RASGEF1A: variants seen among roughly 807,000 people sequenced by gnomAD.
RASGEF1A encodes the protein ras-GEF domain-containing family member 1A.
A neutral mutation model predicts 56.4 loss-of-function variants in RASGEF1A; 18 were observed. The observed-to-expected ratio is 0.32, with a 90% CI of 0.22 to 0.47. RASGEF1A has a LOEUF of 0.47. RASGEF1A is among the 20% of genes least tolerant of loss of function. RASGEF1A has a pLI of 1.00. For synonymous variants in RASGEF1A, 245 were observed against 242.6 expected, an observed-to-expected ratio of 1.01 and a Z score of -0.09; for missense variants, 422 against 627.1, an observed-to-expected ratio of 0.67 and a Z score of 3.49.
Position 43,202,886 on chromosome 10 carries a change from C to T in RASGEF1A, c.321+412G>A, listed in dbSNP as rs1588928725. Among the ~76,000 whole-genome samples the T allele has an allele frequency of 1.2e-4, 18 of 150,096 alleles. No homozygotes were observed. In the South Asian group the frequency reaches 3.6e-3, roughly 30 times the overall value. ...AGCCAGGCCACGCCCCAACCCTAGC[C>T]CTGACCCCGCCCCCAGGCCCCACCA... On this transcript the variant is annotated intron_variant, in intron 3 of 12. Coordinates refer to ENST00000395810, the MANE Select transcript of RASGEF1A (RefSeq NM_145313.4).
At chr10:43,220,142 A>G (rs1037658488) in intron 1 of RASGEF1A, among the ~76,000 whole-genome samples, 1 of 152,216 alleles carries the variant, frequency 6.6e-6, no homozygotes, top group African/African-American at 2.4e-5. Context: ...GTGGTTAGAC[A>G]CTGACCAGCC....
At chr10:43,240,017 T>C (rs1419634497) in intron 1 of RASGEF1A, among the ~76,000 whole-genome samples, 5 of 152,228 alleles carry the variant, frequency 3.3e-5, no homozygotes, top group African/African-American at 4.8e-5. Flanking sequence ...TGCTCAGGGC[T>C]GTGCACATGC....
intron 1 of RASGEF1A, among the ~76,000 whole-genome samples, chr10:43,246,012 A>AATACAC (rs1265010089): frequency 6.6e-6 from 1 of 152,114 alleles, no homozygotes; most frequent in Non-Finnish European, 1.5e-5. Flanking sequence ...AGTCCTAAGA[A>AATACAC]ATACACATAC....
intron 1 of RASGEF1A, chr10:43,207,456 T>A: frequency 5.1e-6 from 5 of 978,022 alleles, no homozygotes; most frequent in Non-Finnish European, 6.0e-6. Flanking sequence ...CACGTCCCTG[T>A]CCCTCCCACC....
chr10:43,228,623 T>G (rs1232683186), intron 1 of RASGEF1A, among the ~76,000 whole-genome samples: 1 of 152,212 alleles, frequency 6.6e-6, no homozygotes, highest in African/African-American at 2.4e-5. Context: ...ACTTGGGGGC[T>G]GCTCTATCGC....
chr10:43,250,979 A>G (rs902631883), intron 1 of RASGEF1A, among the ~76,000 whole-genome samples: 1 of 152,232 alleles, frequency 6.6e-6, no homozygotes, highest in African/African-American at 2.4e-5. Context: ...AGGCTCCAGC[A>G]GCGAGCCTCA....
intron 1 of RASGEF1A, among the ~76,000 whole-genome samples, chr10:43,241,199 A>C (rs1027428374): frequency 6.6e-6 from 1 of 152,248 alleles, no homozygotes; most frequent in African/African-American, 2.4e-5. Context: ...TAAATATAAA[A>C]GATAGTATAA....
chr10:43,248,131 G>A (rs1345085085), intron 1 of RASGEF1A, among the ~76,000 whole-genome samples: 1 of 150,864 alleles, frequency 6.6e-6, no homozygotes, highest in Non-Finnish European at 1.5e-5. Flanking sequence ...TGAGGCGGGT[G>A]GATCACTTGA....
intron 1 of RASGEF1A, among the ~76,000 whole-genome samples, chr10:43,232,819 C>A (rs1468508650): frequency 6.6e-6 from 1 of 152,180 alleles, no homozygotes; most frequent in Non-Finnish European, 1.5e-5. Context: ...TGAGAACAGA[C>A]TACTACACTC....
At chr10:43,212,602 G>A (rs543479508) in intron 1 of RASGEF1A, among the ~76,000 whole-genome samples, 71 of 152,352 alleles carry the variant, frequency 4.7e-4, no homozygotes, top group Non-Finnish European at 7.6e-4. Context: ...GTGCGGGGTG[G>A]CAGGGAGACA....
In RASGEF1A at chr10:43,196,358, G is replaced by A; in HGVS notation, c.1422-90C>T. ...CAGCCTCCCACCAAACATGCACCAG[G>A]GACCCTGGACCAGGGACGCGGCAGT... On this transcript the variant is annotated intron_variant, in intron 12 of 12. Transcript: ENST00000395810. The surrounding 1 kb of genome is among the most constrained non-coding windows in gnomAD (Gnocchi z 4.6). 2 of 1,570,554 alleles carry A rather than the reference G, an allele frequency of 1.3e-6. No individual in the cohort carries two copies. The highest frequency in any genetic ancestry group is 1.8e-6 in the Non-Finnish European group (2 of 1,142,148).
In RASGEF1A at chr10:43,206,864, C is replaced by T. The variant is rs115580649; in HGVS notation, c.-6-742G>A. The T allele has an allele frequency of 1.3e-3, 1,243 of 985,928 alleles. 13 individuals carry two copies. In the African/African-American group the frequency reaches 0.018, roughly 14 times the overall value. The allele number at this position is 985,928 out of a possible 1,614,324, so 61.1% of individuals were successfully genotyped here. On this transcript the variant is annotated intron_variant, in intron 1 of 12. Coordinates refer to ENST00000395810, the MANE Select transcript of RASGEF1A (RefSeq NM_145313.4). ...GAGAGATCTGGAACTGGCTTTGGGG[C>T]CTGTGAGTCTGAGTGCCCCTGAGCT...
chr10:43,206,925 C>T (rs1246529927), intron 1 of RASGEF1A: 4 of 985,428 alleles, frequency 4.1e-6, no homozygotes, highest in Admixed American at 6.1e-5. Flanking sequence ...CTGGAGGCCT[C>T]GGTGCCCACA....
Position 43,199,314 on chromosome 10 carries a change from GCT to G in RASGEF1A, c.850-122_850-121del, listed in dbSNP as rs955756346. 6.5e-5 allele frequency: 49 copies of G among 757,038 alleles called. 1 individual carries two copies. The highest frequency in any genetic ancestry group is 3.7e-4 in the Admixed American group (18 of 48,924). The allele number at this position is 757,038 out of a possible 1,614,324, so 46.9% of individuals were successfully genotyped here. A position where few individuals can be genotyped will look rare whatever the true frequency, so the allele number is the denominator to read the frequency against. ...GGGACTTAGCTTCTGGCCACAGCGG[GCT>G]GATCCAGGTCCATGGCTGCGTCTGG... On this transcript the variant is annotated intron_variant, in intron 7 of 12. Transcript: ENST00000395810.
intron 1 of RASGEF1A, among the ~76,000 whole-genome samples, chr10:43,220,662 G>A (rs554690389): frequency 2.2e-4 from 33 of 152,176 alleles, no homozygotes; most frequent in African/African-American, 7.0e-4. Flanking sequence ...GTGCACACCT[G>A]TAATCTCAGC....
At chr10:43,237,431 ACTCTCC>A (rs1840444164) in intron 1 of RASGEF1A, among the ~76,000 whole-genome samples, 1 of 49,580 alleles carries the variant, frequency 2.0e-5, no homozygotes, top group African/African-American at 8.0e-5. Flanking sequence ...CCTAACTCCC[ACTCTCC>A]CCCTCCTCCC....
At chr10:43,231,797 T>A (rs1254990782) in intron 1 of RASGEF1A, among the ~76,000 whole-genome samples, 1 of 152,206 alleles carries the variant, frequency 6.6e-6, no homozygotes, top group East Asian at 1.9e-4. Context: ...CCTGCTTGCA[T>A]CCCTGCAGCT....
intron 1 of RASGEF1A, among the ~76,000 whole-genome samples, chr10:43,228,308 C>A (rs141020747): frequency 1.3e-5 from 2 of 152,336 alleles, no homozygotes; most frequent in East Asian, 3.9e-4. Flanking sequence ...GGCCACCATA[C>A]CTAAGGCACA....
intron 1 of RASGEF1A, among the ~76,000 whole-genome samples, chr10:43,251,847 T>C (rs956730424): frequency 2.0e-5 from 3 of 152,190 alleles, no homozygotes; most frequent in Non-Finnish European, 4.4e-5. Context: ...ACCAGACCCC[T>C]GACCCTCACA....
Sources: gnomAD v4.1 joint callset for allele counts (sites outside exome capture counted in the v4.1 genomes callset) on GRCh38, gnomAD v4.1.1 for gene constraint, Gnocchi (gnomAD v3.1) non-coding constraint, MANE v1.5 for transcripts, NCBI Gene and HGNC (gene_info 2026-07-23, HGNC 2026-07-21) for gene names.